Variants in ZNF804A observed in about 807,000 individuals in gnomAD.
ZNF804A encodes the protein zinc finger protein 804A.
ZNF804A carries 2 observed loss-of-function variants against 16.5 expected under a neutral mutation model. The observed-to-expected ratio is 0.12, with a 90% CI of 0.05 to 0.38. The LOEUF (loss-of-function observed/expected upper bound fraction) is 0.38. ZNF804A is among the 10% of genes least tolerant of loss of function. The pLI is 0.99. For missense variants in ZNF804A, 1,473 were observed against 1,390.7 expected (o/e 1.06, Z -0.94); for synonymous variants, 534 against 489.6 (o/e 1.09, Z -1.20).
chr2:184,729,264 T>A (rs1693473452), intron 1 of ZNF804A, among the ~76,000 whole-genome samples: 1 of 151,948 alleles, frequency 6.6e-6, no homozygotes, highest in Non-Finnish European at 1.5e-5. Flanking sequence ...ATATATATAT[T>A]AAAAATCATG....
Position 184,788,860 on chromosome 2 carries a change from T to G in ZNF804A, c.112-77509T>G, listed in dbSNP as rs534266653. On this transcript the variant is annotated intron_variant, in intron 1 of 3. Coordinates refer to ENST00000302277, the MANE Select transcript of ZNF804A (RefSeq NM_194250.2). ...CTGATTGTTCTGGCTAAGACTTCTCTTACTATGTTGAGTAGGAGTGGTGAG... is the reference window on the plus strand; with the variant it reads ...CTGATTGTTCTGGCTAAGACTTCTCGTACTATGTTGAGTAGGAGTGGTGAG... 7.1e-4 allele frequency among the ~76,000 whole-genome samples: 108 copies of G among 152,168 alleles called. 1 individual carries two copies. Among genetic ancestry groups the G allele is most frequent in the South Asian group, 6.8e-3 (33 of 4,826 alleles).
At chr2:184,660,242 A>C (rs1463705752) in intron 1 of ZNF804A, among the ~76,000 whole-genome samples, 4 of 152,236 alleles carry the variant, frequency 2.6e-5, no homozygotes, top group Non-Finnish European at 5.9e-5. Flanking sequence ...AAATTCTTCC[A>C]TTTAAAAAAG....
At chr2:184,883,414 A>T (rs932356170) in intron 2 of ZNF804A, among the ~76,000 whole-genome samples, 2 of 152,144 alleles carry the variant, frequency 1.3e-5, no homozygotes, top group African/African-American at 4.8e-5. Context: ...ATTCCTCCCT[A>T]ACTCTTCTAT....
chr2:184,720,855 G>A (rs1324055984), intron 1 of ZNF804A, among the ~76,000 whole-genome samples: 1 of 151,956 alleles, frequency 6.6e-6, no homozygotes, highest in Non-Finnish European at 1.5e-5. Flanking sequence ...ATAGTACAAG[G>A]CTATAGTAAC....
At chr2:184,707,840 C>A (rs950839936) in intron 1 of ZNF804A, among the ~76,000 whole-genome samples, 1 of 151,882 alleles carries the variant, frequency 6.6e-6, no homozygotes, top group Non-Finnish European at 1.5e-5. Context: ...AATGGTAGTT[C>A]GAAGTTCTTT....
chr2:184,936,091 C>T lies in ZNF804A; in HGVS notation c.695C>T (p.Ala232Val). ...GTGAAGCTAGAGTCCTCAGCTGCAG[C>T]CTTCTCTGAATACAGTGATGATGCC... ...ASVKLESSAA[A>V]FSEYSDDASV... Residue 232 changes from alanine (A) to valine (V), a missense_variant, in exon 4 of 4, where the codon GCC becomes GTC. By Grantham distance (64) the Ala-to-Val change is moderately conservative. Transcript: ENST00000302277. 1.9e-6 allele frequency: 3 copies of T among 1,614,030 alleles called. No individual in the cohort carries two copies. The highest frequency in any genetic ancestry group is 2.5e-6 in the Non-Finnish European group (3 of 1,179,954).
intron 1 of ZNF804A, among the ~76,000 whole-genome samples, chr2:184,628,759 T>C (rs1691551782): frequency 6.6e-6 from 1 of 152,166 alleles, no homozygotes. Context: ...TTTCTTTTTT[T>C]GTATACACCT....
At chr2:184,653,266 A>T (rs1692018167) in intron 1 of ZNF804A, among the ~76,000 whole-genome samples, 1 of 152,182 alleles carries the variant, frequency 6.6e-6, no homozygotes, top group Non-Finnish European at 1.5e-5. Context: ...TTAAATATTT[A>T]TATATACGAA....
chr2:184,747,744 T>A (rs190085687), intron 1 of ZNF804A, among the ~76,000 whole-genome samples: 1 of 151,290 alleles, frequency 6.6e-6, no homozygotes, highest in East Asian at 1.9e-4. Context: ...GTTACATGAG[T>A]ATATTGGACT....
intron 1 of ZNF804A, among the ~76,000 whole-genome samples, chr2:184,747,436 A>C (rs1693807135): frequency 6.6e-6 from 1 of 150,902 alleles, no homozygotes; most frequent in African/African-American, 2.4e-5. Flanking sequence ...ACATTTAAAC[A>C]AGTATGATTT....
At chr2:184,609,104 C>T (rs1016117929) in intron 1 of ZNF804A, among the ~76,000 whole-genome samples, 4 of 152,054 alleles carry the variant, frequency 2.6e-5, no homozygotes, top group Admixed American at 2.0e-4. Flanking sequence ...TGTAACCTAG[C>T]CATATGGAGA....
rs763333380 is a variant in ZNF804A at position 184,599,019 on chromosome 2, C to T, written c.60C>T (p.Asn20=). 3 of 1,614,134 alleles carry T rather than the reference C, an allele frequency of 1.9e-6. No homozygotes were observed. Among genetic ancestry groups the T allele is most frequent in the South Asian group, 2.2e-5 (2 of 91,090 alleles). Residue 20 remains asparagine (N), a synonymous_variant, in exon 1 of 4, where the codon AAC becomes AAT. Transcript: ENST00000302277. Reference sequence around the variant, plus strand: ...ATCTCAGCAACGGACACTTTCGCAACATCAAGGGAGTTTTCCGGGGCCCTC... The same window carrying T: ...ATCTCAGCAACGGACACTTTCGCAATATCAAGGGAGTTTTCCGGGGCCCTC... ...STHLSNGHFR[N]IKGVFRGPLS...
intron 1 of ZNF804A, among the ~76,000 whole-genome samples, chr2:184,808,042 A>G (rs1694838613): frequency 2.0e-5 from 3 of 151,624 alleles, no homozygotes; most frequent in Non-Finnish European, 3.0e-5. Flanking sequence ...ATTAGCAACA[A>G]AAAGGTAATA....
chr2:184,733,334 T>A (rs1693551072), intron 1 of ZNF804A, among the ~76,000 whole-genome samples: 1 of 152,170 alleles, frequency 6.6e-6, no homozygotes, highest in Admixed American at 6.6e-5. Flanking sequence ...TTACATTAAT[T>A]GATTTTTGAG....
intron 1 of ZNF804A, among the ~76,000 whole-genome samples, chr2:184,666,260 T>A (rs533100276): frequency 6.6e-6 from 1 of 152,268 alleles, no homozygotes; most frequent in South Asian, 2.1e-4. Context: ...TCGTATATCA[T>A]ATTTGATTAT....
intron 1 of ZNF804A, among the ~76,000 whole-genome samples, chr2:184,854,281 A>G (rs978726420): frequency 4.6e-5 from 7 of 151,946 alleles, no homozygotes; most frequent in Admixed American, 1.3e-4. Flanking sequence ...ACACTACACA[A>G]TTTATTCAAC....
At chr2:184,833,984 G>T (rs149512391) in intron 1 of ZNF804A, among the ~76,000 whole-genome samples, 2 of 152,006 alleles carry the variant, frequency 1.3e-5, no homozygotes, top group African/African-American at 4.8e-5. Context: ...TTTTGAGACC[G>T]TGTAGATTTC....
Position 184,668,679 on chromosome 2 carries a change from C to T in ZNF804A, c.111+69609C>T, listed in dbSNP as rs1284249700. Among the ~76,000 whole-genome samples the T allele has an allele frequency of 3.3e-5, 5 of 152,004 alleles. No individual in the cohort carries two copies. The East Asian group carries it at 9.7e-4, about 29-fold the overall frequency. ...ATATTTGGAAAGTTATACTACTTAA[C>T]TGCAATGATCAAGATTGTAGAAGAT... On this transcript the variant is annotated intron_variant, in intron 1 of 3. Transcript: ENST00000302277.
intron 1 of ZNF804A, among the ~76,000 whole-genome samples, chr2:184,813,079 T>G (rs17509336): frequency 0.05 from 7,663 of 152,224 alleles, 254 homozygotes; most frequent in Middle Eastern, 0.078. Flanking sequence ...GGAAGATGTC[T>G]GAGAGTCGGC....
Sources: allele counts gnomAD v4.1 joint callset (sites outside exome capture counted in the v4.1 genomes callset), GRCh38; gene constraint gnomAD v4.1.1; transcripts MANE v1.5; gene names NCBI Gene and HGNC (gene_info 2026-07-23, HGNC 2026-07-21).